The following TIMM22 variants were observed in gnomAD, a reference collection of about 807,000 sequenced individuals.
TIMM22 encodes translocase of inner mitochondrial membrane 22.
A neutral mutation model predicts 18.3 loss-of-function variants in TIMM22; 12 were observed. That is an observed-to-expected ratio of 0.65 (90% CI 0.42 to 1.06). The LOEUF (loss-of-function observed/expected upper bound fraction) is 1.06, where lower values mean the gene tolerates loss of function less well. Ranked by LOEUF, TIMM22 falls within the 50% of genes least tolerant of loss-of-function variation. The probability of loss-of-function intolerance (pLI) is 0.00; values close to 1 mark genes in which losing one functional copy is unlikely to be tolerated. For synonymous variants in TIMM22, 107 were observed against 98.5 expected, an observed-to-expected ratio of 1.09 and a Z score of -0.51; for missense variants, 278 against 252.8, an observed-to-expected ratio of 1.10 and a Z score of -0.68.
intron 2 of TIMM22, among the ~76,000 whole-genome samples, 154 bp from the exon 3 acceptor site, chr17:999,358 T>TATATATATATATATATACATATATAC (rs1408779709): frequency 1.6e-4 from 21 of 132,582 alleles, no homozygotes; most frequent in African/African-American, 6.7e-4. Context: ...TATATATATA[T>TATATATATATATATATACATATATAC]ACACGCTGTA....
chr17:998,400 T>TTGCC (rs2069706438), intron 1 of TIMM22, among the ~76,000 whole-genome samples: 1 of 152,170 alleles, frequency 6.6e-6, no homozygotes, highest in South Asian at 2.1e-4. Context: ...AATGAGGCTG[T>TTGCC]GGCATACTGG....
chr17:999,680 ATCT>A (rs1222371669), intron 3 of TIMM22, 96 bp downstream of exon 3: 20 of 1,136,578 alleles, frequency 1.8e-5, no homozygotes, highest in Non-Finnish European at 2.5e-5. Context: ...GGGACACTTG[ATCT>A]TCTTCCCTCT....
At chr17:1,000,548 G>A (rs1378022793) in intron 3 of TIMM22, among the ~76,000 whole-genome samples, 3 of 152,056 alleles carry the variant, frequency 2.0e-5, no homozygotes, top group Non-Finnish European at 4.4e-5. Context: ...ATGAAACCTG[G>A]TTTTGCTCCT....
Position 997,186 on chromosome 17 carries a change from C to G in TIMM22, c.44C>G (p.Thr15Arg). The G allele has an allele frequency of 6.2e-7, 1 of 1,612,010 alleles. No homozygotes were observed. The highest frequency in any genetic ancestry group is 8.5e-7 in the Non-Finnish European group (1 of 1,179,746). The change falls in exon 1 of 4, where the codon ACA becomes AGA. Residue 15 changes from threonine (T) to arginine (R), a missense_variant. Physicochemically the swap from Thr to Arg is moderately conservative, Grantham distance 71 (BLOSUM62 -1). Coordinates refer to ENST00000327158, the MANE Select transcript of TIMM22 (RefSeq NM_013337.4). Reference sequence around the variant, plus strand: ...AATGCCGGAGGCTCGGCCCCTGAGACAGCGGGTTCCGCCGAAGCTCCGCTG... The same window carrying G: ...AATGCCGGAGGCTCGGCCCCTGAGAGAGCGGGTTCCGCCGAAGCTCCGCTG... ...APNAGGSAPETAGSAEAPLQY... is the reference protein window; with the variant it reads ...APNAGGSAPERAGSAEAPLQY...
At position 1,001,060 on chromosome 17, in the gene TIMM22, C is replaced by T; in HGVS notation, c.557C>T (p.Ser186Phe). The change falls in exon 4 of 4, where the codon TCT becomes TTT. Residue 186 changes from serine (S) to phenylalanine (F), a missense_variant. Ser to Phe is a radical substitution (Grantham distance 155, BLOSUM62 -2). Coordinates refer to ENST00000327158, the MANE Select transcript of TIMM22 (RefSeq NM_013337.4). ...GGTTGTGGAGGTTTTGCTGCTTTCTCTGCTGCGATTGATTATTACCTCCGG... is the reference window on the plus strand; with the variant it reads ...GGTTGTGGAGGTTTTGCTGCTTTCTTTGCTGCGATTGATTATTACCTCCGG... ...AIGCGGFAAFSAAIDYYLR is the reference protein window; with the variant it reads ...AIGCGGFAAFFAAIDYYLR The T allele has an allele frequency of 6.2e-7, 1 of 1,614,020 alleles. No individual in the cohort carries two copies. Among genetic ancestry groups the T allele is most frequent in the Non-Finnish European group, 8.5e-7 (1 of 1,179,994 alleles).
At chr17:997,595 G>T (rs1242628833) in intron 1 of TIMM22, among the ~76,000 whole-genome samples, 1 of 152,184 alleles carries the variant, frequency 6.6e-6, no homozygotes. Context: ...TGTGGTTGGG[G>T]CCTGAAAGTT....
rs2069755784 is a variant in TIMM22, at chr17:1,001,917, G to A, written c.*829G>A. 1 of 152,078 alleles carries A rather than the reference G, an allele frequency of 6.6e-6. No homozygotes were observed. Among genetic ancestry groups the A allele is most frequent in the African/African-American group, 2.4e-5 (1 of 41,400 alleles). The allele number at this position is 152,078 out of a possible 1,614,324, so 9.4% of individuals were successfully genotyped here. The stretch of plus-strand genomic sequence containing the variant: ...CTGTGCCGGCCGAGAGGCACACACT[G>A]CCTTCACGACGTGACTGCTGGACCT... On this transcript the variant is annotated 3_prime_UTR_variant, in exon 4 of 4. Coordinates refer to ENST00000327158, the MANE Select transcript of TIMM22 (RefSeq NM_013337.4).
At position 998,896 on chromosome 17, in the gene TIMM22, G is replaced by A. The variant is rs2150664891; in HGVS notation, c.356G>A (p.Gly119Glu). The change falls in exon 2 of 4, where the codon GGG becomes GAG. Residue 119 changes from glycine to glutamate, a missense_variant. Gly to Glu is a moderately conservative substitution (Grantham distance 98, BLOSUM62 -2). Coordinates refer to ENST00000327158, the MANE Select transcript of TIMM22 (RefSeq NM_013337.4). ...GCAAAAGAAGTGCTGAAAGACATGG[G>A]GCAGAGAGGAATGTCCTATGCCAAA... ...PTAKEVLKDM[G>E]QRGMSYAKNF... 1.2e-6 allele frequency: 2 copies of A among 1,614,146 alleles called. No homozygotes were observed. The highest frequency in any genetic ancestry group is 3.3e-5 in the Admixed American group (2 of 60,006).
At position 999,584 on chromosome 17, in the gene TIMM22, G is replaced by A; in HGVS notation, c.508G>A (p.Ala170Thr). The part of the protein sequence containing the change: ...CITGGAIGFR[A>T]GLKAGAIGCG... ...CACGGGAGGAGCTATTGGTTTCAGA[G>A]GTTAGTAAACGGCTCTCGAATGCTT... Residue 170 changes from alanine (A) to threonine (T), a missense_variant and splice_region_variant, in exon 3 of 4, where the codon GCT becomes ACT. Transcript: ENST00000327158. The A allele has an allele frequency of 6.2e-7, 1 of 1,613,014 alleles. No homozygotes were observed. Among genetic ancestry groups the A allele is most frequent in the Non-Finnish European group, 8.5e-7 (1 of 1,179,460 alleles).
intron 1 of TIMM22, among the ~76,000 whole-genome samples, chr17:998,383 A>T (rs2069706269): frequency 6.6e-6 from 1 of 152,206 alleles, no homozygotes; most frequent in African/African-American, 2.4e-5. Context: ...GATTATTGTG[A>T]AGAATGAATG....
chr17:997,681 T>C (rs1174526668), intron 1 of TIMM22, among the ~76,000 whole-genome samples: 1 of 152,128 alleles, frequency 6.6e-6, no homozygotes, highest in African/African-American at 2.4e-5. Flanking sequence ...GACGTGGTGG[T>C]GGGCGCCTGT....
In TIMM22 at chr17:998,867, G is replaced by A. The variant is rs374187266; in HGVS notation, c.327G>A (p.Pro109=). Residue 109 remains proline, a synonymous_variant, in exon 2 of 4, where the codon CCG becomes CCA. Transcript: ENST00000327158. Reference sequence around the variant, plus strand: ...ACCCTAAGGATCCTTACCGTACACCGACTGCAAAAGAAGTGCTGAAAGACA... The same window carrying A: ...ACCCTAAGGATCCTTACCGTACACCAACTGCAAAAGAAGTGCTGAAAGACA... ...GFDPKDPYRT[P]TAKEVLKDMG... The A allele has an allele frequency of 5.0e-6, 8 of 1,613,950 alleles. No homozygotes were observed. The highest frequency in any genetic ancestry group is 1.6e-4 in the Middle Eastern group (1 of 6,084).
At chr17:1,000,545 C>T (rs2150666091) in intron 3 of TIMM22, among the ~76,000 whole-genome samples, 1 of 152,250 alleles carries the variant, frequency 6.6e-6, no homozygotes, top group East Asian at 1.9e-4. Flanking sequence ...GTCATGAAAC[C>T]TGGTTTTGCT....
chr17:1,001,261 G>T lies in TIMM22; in HGVS notation c.*173G>T. The T allele has an allele frequency of 9.3e-6, 6 of 645,184 alleles. No individual in the cohort carries two copies. 40.0% of individuals were successfully genotyped at this position (645,184 alleles called of 1,614,324 possible). ...GGCTTCTCTGCCTCCAGCCTTTGGG[G>T]TAGCCACACTTTGCTGCTCCTGGAC... On this transcript the variant is annotated 3_prime_UTR_variant, in exon 4 of 4. Transcript: ENST00000327158.
At chr17:1,000,082 TAGAGATCA>T (rs2069728629) in intron 3 of TIMM22, among the ~76,000 whole-genome samples, 1 of 151,878 alleles carries the variant, frequency 6.6e-6, no homozygotes, top group African/African-American at 2.4e-5. Flanking sequence ...ATTTTTTTAG[TAGAGATCA>T]ATTTCACCTG....
At chr17:999,683 T>A in intron 3 of TIMM22, 99 bp downstream of exon 3, 1 of 1,099,894 alleles carries the variant, frequency 9.1e-7, no homozygotes, top group Non-Finnish European at 1.3e-6. Context: ...ACACTTGATC[T>A]TCTTCCCTCT....
Position 997,158 on chromosome 17 carries a change from C to A in TIMM22, c.16C>A (p.Pro6Thr). The A allele has an allele frequency of 3.1e-6, 5 of 1,609,496 alleles. No individual in the cohort carries two copies. Among genetic ancestry groups the A allele is most frequent in the Non-Finnish European group, 4.2e-6 (5 of 1,178,972 alleles). ...AGCGACTGTCATGGCGGCGGCCGCC[C>A]CCAATGCCGGAGGCTCGGCCCCTGA... is the stretch of plus-strand genomic sequence containing the variant. Reference protein sequence around the residue: MAAAAPNAGGSAPETA... With the variant: MAAAATNAGGSAPETA... The change falls in exon 1 of 4, where the codon CCC (proline) becomes ACC (threonine). Residue 6 changes from proline (P) to threonine (T), a missense_variant. Coordinates refer to ENST00000327158, the MANE Select transcript of TIMM22 (RefSeq NM_013337.4).
At position 1,001,045 on chromosome 17, in the gene TIMM22, G is replaced by A. The variant is rs2069739244; in HGVS notation, c.542G>A (p.Gly181Asp). ...AAGGCTGGGGCCATTGGTTGTGGAG[G>A]TTTTGCTGCTTTCTCTGCTGCGATT... Reference protein sequence around the residue: ...GLKAGAIGCGGFAAFSAAIDY... With the variant: ...GLKAGAIGCGDFAAFSAAIDY... Residue 181 changes from glycine (G) to aspartate (D), a missense_variant, in exon 4 of 4, where the codon GGT becomes GAT. Physicochemically the swap from Gly to Asp is moderately conservative, Grantham distance 94. Coordinates refer to ENST00000327158, the MANE Select transcript of TIMM22 (RefSeq NM_013337.4). 6.2e-7 allele frequency: 1 copy of A among 1,613,982 alleles called. No homozygotes were observed. Among genetic ancestry groups the A allele is most frequent in the African/African-American group, 1.3e-5 (1 of 74,932 alleles).
rs2069740347 is a variant in TIMM22, at chr17:1,001,113, G to A, written c.*25G>A. ...AGAGTAATTGCCTGCAGGGAAGGAT[G>A]ATGCCAGCCCCGGATCCGGGCTGCT... On this transcript the variant is annotated 3_prime_UTR_variant, in exon 4 of 4. Transcript: ENST00000327158. The A allele has an allele frequency of 6.2e-7, 1 of 1,612,300 alleles. No individual in the cohort carries two copies. Among genetic ancestry groups the A allele is most frequent in the African/African-American group, 1.3e-5 (1 of 74,882 alleles).
Sources: allele counts gnomAD v4.1 joint callset (sites outside exome capture counted in the v4.1 genomes callset), GRCh38; gene constraint gnomAD v4.1.1; transcripts MANE v1.5; gene names NCBI Gene and HGNC (gene_info 2026-07-23, HGNC 2026-07-21).